The following ZNF608 variants were observed in gnomAD, a reference collection of about 807,000 sequenced individuals.
ZNF608 encodes zinc finger protein 608.
ZNF608 carries 12 observed loss-of-function variants against 109.0 expected under a neutral mutation model. That is an observed-to-expected ratio of 0.11 (90% CI 0.07 to 0.18). The LOEUF is 0.18. Among genes scored for constraint, ZNF608 ranks in the 10% least tolerant of loss-of-function variants. The pLI is 1.00. For missense variants in ZNF608, 1,707 were observed against 1,879.3 expected (o/e 0.91, Z 1.70); for synonymous variants, 732 against 717.4 (o/e 1.02, Z -0.33).
At chr5:124,665,352 T>C (rs564920859) in intron 3 of ZNF608, among the ~76,000 whole-genome samples, 1 of 152,354 alleles carries the variant, frequency 6.6e-6, no homozygotes, top group South Asian at 2.1e-4. Flanking sequence ...CCAATGGTTA[T>C]AAATTTAATT....
At chr5:124,641,878 A>G (rs1750259715) in intron 7 of ZNF608, among the ~76,000 whole-genome samples, 1 of 152,192 alleles carries the variant, frequency 6.6e-6, no homozygotes, top group South Asian at 2.1e-4. Context: ...TTATATGCCA[A>G]TATAAAGCAC....
At position 124,646,672 on chromosome 5, in the gene ZNF608, A is replaced by G. The variant is rs1750522284; in HGVS notation, c.3705+7T>C. ...CTCCCTGTTGGGGCCACGCTCCACAATCTTACTTGTTTAAATCTCGAGGTT... is the reference window on the plus strand; with the variant it reads ...CTCCCTGTTGGGGCCACGCTCCACAGTCTTACTTGTTTAAATCTCGAGGTT... On this transcript the variant is annotated splice_region_variant and intron_variant, in intron 5 of 9. Coordinates refer to ENST00000513986, the MANE Select transcript of ZNF608 (RefSeq NM_020747.3). The G allele has an allele frequency of 5.0e-6, 8 of 1,607,390 alleles. No homozygotes were observed. Among genetic ancestry groups the G allele is most frequent in the South Asian group, 1.1e-5 (1 of 90,832 alleles).
At chr5:124,639,746 C>G (rs1319447955) in intron 8 of ZNF608, among the ~76,000 whole-genome samples, 1 of 152,192 alleles carries the variant, frequency 6.6e-6, no homozygotes, top group African/African-American at 2.4e-5. Flanking sequence ...ACTGTAATAG[C>G]TCCAAATGGC....
chr5:124,721,376 G>A (rs1753893468), intron 2 of ZNF608, among the ~76,000 whole-genome samples: 1 of 152,146 alleles, frequency 6.6e-6, no homozygotes, highest in South Asian at 2.1e-4. Context: ...TTTCCTGTAA[G>A]AGGGCTCAGT....
chr5:124,721,941 CAAAAA>C (rs199699487), intron 2 of ZNF608, among the ~76,000 whole-genome samples: 203 of 20,778 alleles, frequency 9.8e-3, no homozygotes, highest in Middle Eastern at 0.1. Context: ...GACTCTGTCT[CAAAAA>C]AAAAAAAAAA....
intron 2 of ZNF608, among the ~76,000 whole-genome samples, chr5:124,734,120 T>A (rs1023594228): frequency 6.6e-6 from 1 of 152,210 alleles, no homozygotes; most frequent in African/African-American, 2.4e-5. Context: ...AATAAAATCC[T>A]TCACACCTCT....
chr5:124,683,014 GTCTCTC>G (rs70991636), intron 3 of ZNF608, among the ~76,000 whole-genome samples: 5 of 149,036 alleles, frequency 3.4e-5, no homozygotes, highest in Non-Finnish European at 6.0e-5. Flanking sequence ...TGGGTGCTCT[GTCTCTC>G]TCTCTCTCTC....
At chr5:124,688,752 C>T (rs1219884150) in intron 3 of ZNF608, among the ~76,000 whole-genome samples, 1 of 152,086 alleles carries the variant, frequency 6.6e-6, no homozygotes, top group Non-Finnish European at 1.5e-5. Flanking sequence ...TGTAAATATC[C>T]ATTGTTAATG....
intron 3 of ZNF608, among the ~76,000 whole-genome samples, chr5:124,696,572 C>G (rs928024829): frequency 2.6e-5 from 4 of 152,210 alleles, no homozygotes; most frequent in Admixed American, 6.5e-5. Context: ...AGGGTCCACT[C>G]TTCCCATATC....
In ZNF608 at chr5:124,644,277, C is replaced by T; in HGVS notation, c.4090G>A (p.Ala1364Thr). 6.2e-7 allele frequency: 1 copy of T among 1,612,450 alleles called. No individual in the cohort carries two copies. Among genetic ancestry groups the T allele is most frequent in the Non-Finnish European group, 8.5e-7 (1 of 1,178,660 alleles). Residue 1364 changes from alanine to threonine, a missense_variant, in exon 6 of 10, where the codon GCT becomes ACT. Ala to Thr is a moderately conservative substitution (Grantham distance 58). Coordinates refer to ENST00000513986, the MANE Select transcript of ZNF608 (RefSeq NM_020747.3). ...CTGTGCATTAGGACGGGAGAAACAG[C>T]CCGGTATGCAGGATGGCTGGGGTCG... Reference protein sequence around the residue: ...MYDPSHPAYRAVSPVLMHSYP... With the variant: ...MYDPSHPAYRTVSPVLMHSYP...
chr5:124,678,618 G>A (rs2149821969), intron 3 of ZNF608, among the ~76,000 whole-genome samples: 1 of 152,314 alleles, frequency 6.6e-6, no homozygotes, highest in South Asian at 2.1e-4. Context: ...CTTGCCAAAG[G>A]TTTGAGTCTG....
chr5:124,722,542 C>G (rs1026056582), intron 2 of ZNF608, among the ~76,000 whole-genome samples: 7 of 151,026 alleles, frequency 4.6e-5, no homozygotes, highest in Non-Finnish European at 1.0e-4. Flanking sequence ...TAAAGCAATA[C>G]TGTGATGATT....
At chr5:124,685,667 T>C (rs1469655363) in intron 3 of ZNF608, among the ~76,000 whole-genome samples, 1 of 150,546 alleles carries the variant, frequency 6.6e-6, no homozygotes, top group East Asian at 1.9e-4. Context: ...CCCCAGGGGA[T>C]CTGACTTAGC....
At chr5:124,742,240 C>A (rs1035040734) in intron 2 of ZNF608, among the ~76,000 whole-genome samples, 3 of 152,176 alleles carry the variant, frequency 2.0e-5, no homozygotes, top group African/African-American at 7.2e-5. Flanking sequence ...TCTCAGTTGC[C>A]ATGACAGCAG....
chr5:124,721,254 T>C (rs1271622993), intron 2 of ZNF608, among the ~76,000 whole-genome samples: 2 of 152,172 alleles, frequency 1.3e-5, no homozygotes, highest in Non-Finnish European at 2.9e-5. Context: ...CAACGATCTC[T>C]ACATGGAAGA....
chr5:124,653,856 G>A (rs1462065344), intron 3 of ZNF608, among the ~76,000 whole-genome samples: 1 of 152,214 alleles, frequency 6.6e-6, no homozygotes, highest in Non-Finnish European at 1.5e-5. Context: ...AAAGTTCCAA[G>A]GGCGCAATAG....
chr5:124,672,704 A>G (rs1239344181), intron 3 of ZNF608, among the ~76,000 whole-genome samples: 1 of 152,236 alleles, frequency 6.6e-6, no homozygotes, highest in East Asian at 1.9e-4. Flanking sequence ...AAATTTACCA[A>G]GCCCAGAGCT....
chr5:124,746,200 A>G lies in ZNF608; in HGVS notation c.-189T>C. The G allele has an allele frequency of 1.0e-6, 1 of 985,412 alleles. No homozygotes were observed. Among genetic ancestry groups the G allele is most frequent in the Non-Finnish European group, 1.2e-6 (1 of 829,936 alleles). 61.0% of individuals were successfully genotyped at this position (985,412 alleles called of 1,614,324 possible). A position where few individuals can be genotyped will look rare whatever the true frequency, so the allele number is the denominator to read the frequency against. ...CACACACAGACATTGCTTACCTTTTAATCCTTTATCATTTTTTAATTAGGC... is the reference window on the plus strand; with the variant it reads ...CACACACAGACATTGCTTACCTTTTGATCCTTTATCATTTTTTAATTAGGC... On this transcript the variant is annotated 5_prime_UTR_variant, in exon 1 of 10. The change abolishes the stop of an existing upstream ORF in the 5' untranslated region. Transcript: ENST00000513986.
At position 124,648,291 on chromosome 5, in the gene ZNF608, G is replaced by A. The variant is rs760523710; in HGVS notation, c.2093C>T (p.Pro698Leu). 6.2e-7 allele frequency: 1 copy of A among 1,614,112 alleles called. No homozygotes were observed. The highest frequency in any genetic ancestry group is 1.7e-5 in the Admixed American group (1 of 60,022). ...AATTAATCCTTCTGCTTCCAGTTTA[G>A]GCATCTCAGCAGCCAAACTGCCGTC... is the stretch of plus-strand genomic sequence containing the variant. ...AADGSLAAEMPKLEAEGLIDK... is the reference protein window; with the variant it reads ...AADGSLAAEMLKLEAEGLIDK... Residue 698 changes from proline to leucine, a missense_variant, in exon 5 of 10, where the codon CCT becomes CTT. Transcript: ENST00000513986.
Sources: allele counts gnomAD v4.1 joint callset (sites outside exome capture counted in the v4.1 genomes callset), GRCh38; gene constraint gnomAD v4.1.1; transcripts MANE v1.5; gene names NCBI Gene and HGNC (gene_info 2026-07-23, HGNC 2026-07-21).